Variants in KCNAB2 observed in about 807,000 individuals in gnomAD.
The protein encoded by KCNAB2 is potassium voltage-gated channel subfamily A regulatory beta subunit 2, also known as voltage-gated potassium channel subunit beta-2.
Under a neutral mutation model 63.6 loss-of-function variants are expected in KCNAB2, and 29 were observed. That is an observed-to-expected ratio of 0.46 (90% CI 0.34 to 0.62). KCNAB2 has a LOEUF of 0.62. Among genes scored for constraint, KCNAB2 ranks in the 20% least tolerant of loss-of-function variants. The probability of loss-of-function intolerance (pLI) is 0.01; values close to 1 mark genes in which losing one functional copy is unlikely to be tolerated. For missense variants in KCNAB2, 359 were observed against 563.9 expected, an observed-to-expected ratio of 0.64 and a Z score of 3.68; for synonymous variants, 222 against 224.2, an observed-to-expected ratio of 0.99 and a Z score of 0.09.
At chr1:6,004,982 G>GAACTGGGGGA (rs1557920925) in intron 1 of KCNAB2, among the ~76,000 whole-genome samples, 1 of 110,292 alleles carries the variant, frequency 9.1e-6, no homozygotes, top group Non-Finnish European at 2.1e-5. Context: ...GGATGAGGGT[G>GAACTGGGGGA]CAGGCAGAGA....
chr1:6,014,100 G>A (rs958035024), intron 1 of KCNAB2, among the ~76,000 whole-genome samples: 10 of 152,224 alleles, frequency 6.6e-5, no homozygotes, highest in Admixed American at 3.3e-4. Context: ...GAACGCACGG[G>A]AAAGCCCTTA....
intron 7 of KCNAB2, 100 bp from the exon 8 acceptor site, chr1:6,088,908 C>T: frequency 8.7e-7 from 1 of 1,144,050 alleles, no homozygotes. Context: ...CATTTGCTGA[C>T]CCTGTTTTTG....
chr1:6,092,713 C>T (rs574558475), intron 10 of KCNAB2, among the ~76,000 whole-genome samples: 2 of 152,314 alleles, frequency 1.3e-5, no homozygotes, highest in Admixed American at 6.5e-5. Flanking sequence ...GAGGGTCTAT[C>T]GGAGTTGGCA....
In KCNAB2 at chr1:6,100,503, A is replaced by G. The variant is rs9434641; in HGVS notation, c.*1929A>G. On this transcript the variant is annotated 3_prime_UTR_variant, in exon 16 of 16. Transcript: ENST00000378083. Reference sequence around the variant, plus strand: ...AGAGGGCAGGTGGCCCACCCTCGCCATCAGGGAGGGTGGCTGGCCCCATCC... The same window carrying G: ...AGAGGGCAGGTGGCCCACCCTCGCCGTCAGGGAGGGTGGCTGGCCCCATCC... 0.78 allele frequency: 119,533 copies of G among 153,702 alleles called. 46,754 individuals are homozygous for G. Among genetic ancestry groups the G allele is most frequent in the East Asian group, 0.99 (5,142 of 5,182 alleles). 9.5% of individuals were successfully genotyped at this position (153,702 alleles called of 1,614,324 possible).
chr1:6,066,929 C>A (rs182281000), intron 2 of KCNAB2, among the ~76,000 whole-genome samples: 2 of 152,378 alleles, frequency 1.3e-5, no homozygotes, highest in East Asian at 3.9e-4. Flanking sequence ...CCATCTGGCT[C>A]CCGGTGCTGT....
intron 2 of KCNAB2, among the ~76,000 whole-genome samples, chr1:6,070,894 TC>T (rs1264643206): frequency 6.6e-6 from 1 of 152,186 alleles, no homozygotes; most frequent in Non-Finnish European, 1.5e-5. Context: ...GAAAGAAAAC[TC>T]AGCTTTTCTT....
intron 1 of KCNAB2, among the ~76,000 whole-genome samples, chr1:6,015,162 GCCA>G (rs1658421747): frequency 6.6e-6 from 1 of 151,632 alleles, no homozygotes; most frequent in South Asian, 2.1e-4. Flanking sequence ...CTACCAAGTA[GCCA>G]GGACTACAGG....
At chr1:6,005,889 T>G (rs143811699) in intron 1 of KCNAB2, among the ~76,000 whole-genome samples, 1 of 146,886 alleles carries the variant, frequency 6.8e-6, no homozygotes, top group Non-Finnish European at 1.5e-5. Flanking sequence ...TTCTGATCCA[T>G]TCCACCCTCA....
intron 1 of KCNAB2, among the ~76,000 whole-genome samples, chr1:6,001,524 G>A (rs1299978697): frequency 6.6e-6 from 1 of 152,162 alleles, no homozygotes; most frequent in African/African-American, 2.4e-5. Flanking sequence ...GCCACCTGCT[G>A]GGCTGTATGG....
chr1:6,008,622 CAAA>C (rs141192143), intron 1 of KCNAB2, among the ~76,000 whole-genome samples: 2 of 137,836 alleles, frequency 1.5e-5, no homozygotes, highest in Non-Finnish European at 1.6e-5. Flanking sequence ...GAGACTGTCT[CAAA>C]AAAAAAAAAA....
Position 6,099,500 on chromosome 1 carries a change from C to T in KCNAB2, c.*926C>T, listed in dbSNP as rs750847045. 9.4e-6 allele frequency: 3 copies of T among 317,488 alleles called. No individual in the cohort carries two copies. The highest frequency in any genetic ancestry group is 4.6e-5 in the Admixed American group (1 of 21,968). 19.7% of individuals were successfully genotyped at this position (317,488 alleles called of 1,614,324 possible). ...TGTGCTCCTAGCTGCACGGTGGCTG[C>T]TGGCCACACCACGGCAAGTGGCAGC... On this transcript the variant is annotated 3_prime_UTR_variant, in exon 16 of 16. Transcript: ENST00000378083.
intron 1 of KCNAB2, among the ~76,000 whole-genome samples, chr1:6,008,729 G>A (rs1657974204): frequency 6.6e-6 from 1 of 152,078 alleles, no homozygotes; most frequent in Non-Finnish European, 1.5e-5. Flanking sequence ...GATCAGGGAA[G>A]TGGCTGAGGG....
chr1:6,013,781 A>T (rs1249328813), intron 1 of KCNAB2, among the ~76,000 whole-genome samples: 1 of 149,388 alleles, frequency 6.7e-6, no homozygotes, highest in Non-Finnish European at 1.5e-5. Flanking sequence ...TGCCTCGGAG[A>T]CTCCTGACGA....
At chr1:6,097,215 T>G in intron 14 of KCNAB2, 54 bp from the exon 15 acceptor site, 1 of 1,495,804 alleles carries the variant, frequency 6.7e-7, no homozygotes, top group South Asian at 1.3e-5. Context: ...GGCAGACCCA[T>G]CAGGGGCCCC....
chr1:6,096,624 C>G lies in KCNAB2; in HGVS notation c.949-12C>G, dbSNP rs1410929767. On this transcript the variant is annotated splice_polypyrimidine_tract_variant and intron_variant, in intron 13 of 15. Coordinates refer to ENST00000378083, the MANE Select transcript of KCNAB2 (RefSeq NM_001199862.2). This position sits in a 1 kb window ranked among gnomAD's most constrained non-coding sequence, Gnocchi z 5.9. ...CATCTGTAGCTGTGCTGCTCCCCTC[C>G]CCCGCAACCAGGGCTACCAGTGGCT... 2 of 1,608,664 alleles carry G rather than the reference C, an allele frequency of 1.2e-6. No individual in the cohort carries two copies. The highest frequency in any genetic ancestry group is 2.2e-5 in the South Asian group (2 of 90,194).
chr1:6,009,723 G>A (rs1267127436), intron 1 of KCNAB2, among the ~76,000 whole-genome samples: 1 of 152,200 alleles, frequency 6.6e-6, no homozygotes, highest in Non-Finnish European at 1.5e-5. Flanking sequence ...GTGGGGCCCT[G>A]TGAGGCCCTG....
chr1:6,085,347 G>T (rs2294934), intron 6 of KCNAB2, 99 bp downstream of exon 6: 7 of 988,094 alleles, frequency 7.1e-6, no homozygotes, highest in Non-Finnish European at 9.6e-6. Flanking sequence ...CGTAAGGCCC[G>T]CAAGTCCCCA....
Position 6,087,400 on chromosome 1 carries a change from C to T in KCNAB2, c.426-67C>T, listed in dbSNP as rs369754693. On this transcript the variant is annotated intron_variant, in intron 6 of 15. Transcript: ENST00000378083. The surrounding 1 kb of genome is among the most constrained non-coding windows in gnomAD (Gnocchi z 6.4). ...ACCTCTGTGTGAGAGATGAGGACGT[C>T]GGGGATGAAGGAGGACCCCCCAGGG... is the stretch of plus-strand genomic sequence containing the variant. The T allele has an allele frequency of 1.1e-4, 168 of 1,540,528 alleles. No homozygotes were observed. Among genetic ancestry groups the T allele is most frequent in the East Asian group, 1.8e-4 (8 of 44,468 alleles).
intron 1 of KCNAB2, among the ~76,000 whole-genome samples, chr1:6,022,317 G>A (rs560965372): frequency 3.9e-5 from 6 of 152,052 alleles, no homozygotes; most frequent in East Asian, 1.9e-4. Flanking sequence ...ATGGCTCAGT[G>A]GTATTGAGTG....
Sources: allele counts gnomAD v4.1 joint callset (sites outside exome capture counted in the v4.1 genomes callset), GRCh38; gene constraint gnomAD v4.1.1; non-coding constraint Gnocchi (gnomAD v3.1); transcripts MANE v1.5; gene names NCBI Gene and HGNC (gene_info 2026-07-23, HGNC 2026-07-21).